The following SLC9A4 variants were observed in gnomAD, a reference collection of about 807,000 sequenced individuals.
The protein encoded by SLC9A4 is solute carrier family 9 member A4.
SLC9A4 carries 63 observed loss-of-function variants against 67.4 expected under a neutral mutation model. That is an observed-to-expected ratio of 0.93 (90% CI 0.76 to 1.15). The LOEUF (loss-of-function observed/expected upper bound fraction) is 1.15, where lower values mean the gene tolerates loss of function less well. Ranked by LOEUF, SLC9A4 falls within the 50% of genes most tolerant of loss-of-function variation. The probability of loss-of-function intolerance (pLI) is 0.00; values close to 1 mark genes in which losing one functional copy is unlikely to be tolerated. For synonymous variants in SLC9A4, 393 were observed against 367.2 expected (o/e 1.07, Z -0.80); for missense variants, 1,089 against 987.7 (o/e 1.10, Z -1.38).
intron 2 of SLC9A4, among the ~76,000 whole-genome samples, chr2:102,483,841 T>TATATATATACATACAC (rs370126753): frequency 7.9e-6 from 1 of 126,778 alleles, no homozygotes; most frequent in African/African-American, 3.1e-5. Flanking sequence ...TATATATATA[T>TATATATATACATACAC]ACACACACAC....
Position 102,514,119 on chromosome 2 carries a change from G to A in SLC9A4, c.1589G>A (p.Arg530Gln), listed in dbSNP as rs762876824. 6.0e-5 allele frequency: 97 copies of A among 1,612,690 alleles called. No homozygotes were observed. Among genetic ancestry groups the A allele is most frequent in the Non-Finnish European group, 7.5e-5 (88 of 1,179,680 alleles). The change falls in exon 8 of 12, where the codon CGG (arginine) becomes CAG (glutamine). Residue 530 changes from arginine to glutamine, a missense_variant. Transcript: ENST00000295269. ...AAGAAGTTTGATCATAGATACTTAC[G>A]GAAAATCCTCATCAGAAAGAACCTA... ...KFKKFDHRYL[R>Q]KILIRKNLPK...
At chr2:102,519,071 C>T (rs1314626926) in intron 8 of SLC9A4, among the ~76,000 whole-genome samples, 1 of 152,128 alleles carries the variant, frequency 6.6e-6, no homozygotes, top group Admixed American at 6.5e-5. Flanking sequence ...TCATTCTTCC[C>T]CCAGCAATGT....
intron 7 of SLC9A4, among the ~76,000 whole-genome samples, 186 bp from the exon 8 acceptor site, chr2:102,513,904 T>TA (rs933553987): frequency 1.3e-5 from 2 of 152,218 alleles, no homozygotes; most frequent in African/African-American, 4.8e-5. Context: ...TTTTTTATTT[T>TA]AAAAAATGCA....
chr2:102,528,074 C>T (rs1413312333), intron 11 of SLC9A4, among the ~76,000 whole-genome samples: 1 of 152,134 alleles, frequency 6.6e-6, no homozygotes, highest in Non-Finnish European at 1.5e-5. Flanking sequence ...GTGGAGCGAT[C>T]TTGGCTCACT....
At chr2:102,489,508 A>C (rs1035260300) in intron 2 of SLC9A4, among the ~76,000 whole-genome samples, 5 of 152,318 alleles carry the variant, frequency 3.3e-5, no homozygotes, top group Admixed American at 3.3e-4. Flanking sequence ...CTTCAAGTTC[A>C]GAAGAGTTTC....
At position 102,510,877 on chromosome 2, in the gene SLC9A4, C is replaced by T. The variant is rs181085774; in HGVS notation, c.1489-1326C>T. ...ATTTGTTTGTTCAAGTTCAGCACAA[C>T]ATTGAAGGGATACCACTGTGTACAG... is the stretch of plus-strand genomic sequence containing the variant. On this transcript the variant is annotated intron_variant, in intron 6 of 11. Coordinates refer to ENST00000295269, the MANE Select transcript of SLC9A4 (RefSeq NM_001011552.4). 1.1e-4 allele frequency among the ~76,000 whole-genome samples: 16 copies of T among 152,308 alleles called. No individual in the cohort carries two copies. The East Asian group carries it at 3.1e-3, about 29-fold the overall frequency.
At chr2:102,501,289 A>T (rs35595785) in intron 2 of SLC9A4, among the ~76,000 whole-genome samples, 107,363 of 151,662 alleles carry the variant, frequency 0.71, 38,712 homozygotes, top group Middle Eastern at 0.77. Context: ...GGCTGGCTAA[A>T]TTTTGTATTT....
chr2:102,491,199 A>G lies in SLC9A4; in HGVS notation c.720+11897A>G, dbSNP rs192354850. Among the ~76,000 whole-genome samples, 13 of 152,214 alleles carry G rather than the reference A, an allele frequency of 8.5e-5. No individual in the cohort carries two copies. In the East Asian group the frequency reaches 2.3e-3, roughly 27 times the overall value. On this transcript the variant is annotated intron_variant, in intron 2 of 11. Transcript: ENST00000295269. Reference sequence around the variant, plus strand: ...GGGAAAGAAATATTGGATAAGCAGTACTAATAGCTATTACATTGTCATTTC... The same window carrying G: ...GGGAAAGAAATATTGGATAAGCAGTGCTAATAGCTATTACATTGTCATTTC...
intron 2 of SLC9A4, among the ~76,000 whole-genome samples, chr2:102,490,980 G>A (rs1684686243): frequency 6.6e-6 from 1 of 152,012 alleles, no homozygotes; most frequent in Admixed American, 6.5e-5. Context: ...ATTTCTGGAG[G>A]GTCTCACCTC....
intron 11 of SLC9A4, among the ~76,000 whole-genome samples, chr2:102,527,929 G>A (rs1290166803): frequency 2.0e-5 from 3 of 151,858 alleles, no homozygotes; most frequent in Non-Finnish European, 4.4e-5. Context: ...TTTCTATTTG[G>A]TTGTTGATTT....
Position 102,479,386 on chromosome 2 carries a change from C to T in SLC9A4, c.720+84C>T, listed in dbSNP as rs1474656408. 3.6e-6 allele frequency: 5 copies of T among 1,394,068 alleles called. No homozygotes were observed. The African/African-American group carries it at 5.7e-5, about 16-fold the overall frequency. The allele number at this position is 1,394,068 out of a possible 1,614,324, so 86.4% of individuals were successfully genotyped here. ...GGGACCGGAGGCTGTGGAGACGGCT[C>T]CAGTGTGGCTCAGCGCAGCAGGACA... On this transcript the variant is annotated intron_variant, in intron 2 of 11. Coordinates refer to ENST00000295269, the MANE Select transcript of SLC9A4 (RefSeq NM_001011552.4).
intron 8 of SLC9A4, among the ~76,000 whole-genome samples, chr2:102,514,576 C>T (rs1379515968): frequency 3.3e-5 from 5 of 152,172 alleles, no homozygotes; most frequent in African/African-American, 4.8e-5. Context: ...TGACATGACC[C>T]CCGTGCATGT....
At chr2:102,530,730 C>T (rs888574482) in intron 11 of SLC9A4, among the ~76,000 whole-genome samples, 5 of 152,100 alleles carry the variant, frequency 3.3e-5, no homozygotes. Flanking sequence ...GGTCCCAGGC[C>T]TTGTTGTAGA....
At chr2:102,531,696 G>C (rs993854893) in intron 11 of SLC9A4, among the ~76,000 whole-genome samples, 3 of 152,172 alleles carry the variant, frequency 2.0e-5, no homozygotes, top group Non-Finnish European at 4.4e-5. Context: ...TATTTAAAAG[G>C]ATTAGCACAG....
Position 102,478,986 on chromosome 2 carries a change from T to C in SLC9A4, c.404T>C (p.Leu135Pro), listed in dbSNP as rs1558658365. The change falls in exon 2 of 12, where the codon CTG becomes CCG. Residue 135 changes from leucine to proline, a missense_variant. By Grantham distance (98) the Leu-to-Pro change is moderately conservative. Transcript: ENST00000295269. ...TCCAGCATCTACTTCCTGTATCTCC[T>C]GCCACCCATCGTTCTGGAGGGCGGC... Reference protein sequence around the residue: ...MDSSIYFLYLLPPIVLEGGYF... With the variant: ...MDSSIYFLYLPPPIVLEGGYF... 1 of 1,614,200 alleles carries C rather than the reference T, an allele frequency of 6.2e-7. No individual in the cohort carries two copies. The highest frequency in any genetic ancestry group is 1.1e-5 in the South Asian group (1 of 91,088).
chr2:102,508,045 T>C (rs200134238), intron 4 of SLC9A4, 34 bp from the exon 5 acceptor site: 1 of 1,600,306 alleles, frequency 6.2e-7, no homozygotes, highest in Non-Finnish European at 8.6e-7. Context: ...TCGTTCATGA[T>C]CCTCTGCTCT....
chr2:102,480,940 T>C (rs937563677), intron 2 of SLC9A4, among the ~76,000 whole-genome samples: 1 of 152,160 alleles, frequency 6.6e-6, no homozygotes. Context: ...GAGGCAGGCT[T>C]TGTGGTAACA....
chr2:102,477,629 A>T (rs572012496), intron 1 of SLC9A4, among the ~76,000 whole-genome samples: 2 of 152,328 alleles, frequency 1.3e-5, no homozygotes, highest in East Asian at 3.9e-4. Flanking sequence ...TTAGTAATTC[A>T]GAGGAAGATA....
At chr2:102,524,253 A>T (rs1674612356) in intron 9 of SLC9A4, among the ~76,000 whole-genome samples, 1 of 152,164 alleles carries the variant, frequency 6.6e-6, no homozygotes, top group Non-Finnish European at 1.5e-5. Context: ...ATCAGTGCAT[A>T]CAGTGTGTCA....
Sources: allele counts gnomAD v4.1 joint callset (sites outside exome capture counted in the v4.1 genomes callset), GRCh38; gene constraint gnomAD v4.1.1; transcripts MANE v1.5; gene names NCBI Gene and HGNC (gene_info 2026-07-23, HGNC 2026-07-21).